Variants in SMG1 observed in about 807,000 individuals in gnomAD.
SMG1 encodes the protein SMG1 nonsense mediated mRNA decay associated PI3K related kinase, also known as serine/threonine-protein kinase SMG1.
SMG1 carries 22 observed loss-of-function variants against 419.9 expected under a neutral mutation model. The ratio of observed to expected loss-of-function variants is 0.05; its 90% CI spans 0.04 to 0.07. The LOEUF is 0.07. SMG1 is among the 10% of genes least tolerant of loss of function. SMG1 has a pLI of 1.00. For missense variants in SMG1, 3,185 were observed against 4,342.0 expected, an observed-to-expected ratio of 0.73 and a Z score of 7.49; for synonymous variants, 1,538 against 1,553.5, an observed-to-expected ratio of 0.99 and a Z score of 0.23.
At chr16:18,870,750 A>T in intron 17 of SMG1, 39 bp from the exon 18 acceptor site, 1 of 1,558,680 alleles carries the variant, frequency 6.4e-7, no homozygotes, top group Admixed American at 1.8e-5. Context: ...GTGTGTTAAC[A>T]TTTCCAGGTT....
In SMG1 at chr16:18,896,222, G is replaced by A. The variant is rs1241475901; in HGVS notation, c.257-15C>T. The A allele has an allele frequency of 8.0e-7, 1 of 1,245,750 alleles. No homozygotes were observed. The highest frequency in any genetic ancestry group is 2.3e-5 in the East Asian group (1 of 43,140). 77.2% of individuals were successfully genotyped at this position (1,245,750 alleles called of 1,614,324 possible). A position where few individuals can be genotyped will look rare whatever the true frequency, so the allele number is the denominator to read the frequency against. ...ACTGTAGCCACCTACAAACAGCAAT[G>A]TGTACGTTATTTAAATATGATTGTT... On this transcript the variant is annotated splice_polypyrimidine_tract_variant and intron_variant, in intron 2 of 62. Coordinates refer to ENST00000446231, the MANE Select transcript of SMG1 (RefSeq NM_015092.5).
Position 18,830,008 on chromosome 16 carries a change from T to C in SMG1, c.9051A>G (p.Leu3017=). The change falls in exon 53 of 63, where the codon CTA becomes CTG. Residue 3017 remains leucine, a synonymous_variant. Coordinates refer to ENST00000446231, the MANE Select transcript of SMG1 (RefSeq NM_015092.5). ...FFDDDNHRQV[L]EEIFFLKRLQ... ...GTCTTTTTAGAAAGAAAATCTCTTCTAGCACCTGCCGGTGATTATCATCAT... is the reference window on the plus strand; with the variant it reads ...GTCTTTTTAGAAAGAAAATCTCTTCCAGCACCTGCCGGTGATTATCATCAT... 9 of 1,593,818 alleles carry C rather than the reference T, an allele frequency of 5.6e-6. No individual in the cohort carries two copies. The highest frequency in any genetic ancestry group is 7.7e-6 in the Non-Finnish European group (9 of 1,168,932).
chr16:18,864,677 A>G (rs1487555744), intron 23 of SMG1, among the ~76,000 whole-genome samples: 2 of 151,982 alleles, frequency 1.3e-5, no homozygotes, highest in Non-Finnish European at 2.9e-5. Flanking sequence ...AGGTTTTGCT[A>G]TGTTGGCCAG....
At chr16:18,893,839 C>G (rs1342959764) in intron 3 of SMG1, among the ~76,000 whole-genome samples, 2 of 151,992 alleles carry the variant, frequency 1.3e-5, no homozygotes, top group African/African-American at 4.8e-5. Flanking sequence ...AGGCAGATCA[C>G]GAGGTCAGGA....
rs561287164 is a variant in SMG1, at chr16:18,835,083, G to A, written c.8139C>T (p.Tyr2713=). The change falls in exon 49 of 63, where the codon TAC becomes TAT. Residue 2713 remains tyrosine, a synonymous_variant. Coordinates refer to ENST00000446231, the MANE Select transcript of SMG1 (RefSeq NM_015092.5). ...ITATEMTLQR[Y]AADINSRLIR... The stretch of plus-strand genomic sequence containing the variant: ...TAAGTCTGCTGTTGATGTCTGCTGC[G>A]TATCGCTGCAGGGTCATTTCAGTGG... 6.8e-5 allele frequency: 109 copies of A among 1,613,918 alleles called. No homozygotes were observed. In the Middle Eastern group the frequency reaches 8.2e-4, roughly 12 times the overall value.
intron 1 of SMG1, among the ~76,000 whole-genome samples, chr16:18,897,817 A>C (rs1260988492): frequency 6.6e-6 from 1 of 152,132 alleles, no homozygotes; most frequent in African/African-American, 2.4e-5. Flanking sequence ...GAAAGAAGAC[A>C]ACAAAATAAT....
At position 18,849,942 on chromosome 16, in the gene SMG1, G is replaced by C. The variant is rs764430692; in HGVS notation, c.5461+7C>G. The stretch of plus-strand genomic sequence containing the variant: ...ATTTTTCCTGAAACATTTTATGCAG[G>C]TCTCACCTCTCCATGGTGCAGTGGG... On this transcript the variant is annotated splice_region_variant and intron_variant, in intron 35 of 62. Coordinates refer to ENST00000446231, the MANE Select transcript of SMG1 (RefSeq NM_015092.5). 6.2e-7 allele frequency: 1 copy of C among 1,612,098 alleles called. No individual in the cohort carries two copies.
rs951692677 is a variant in SMG1 at position 18,860,682 on chromosome 16, A to G, written c.3790T>C (p.Ser1264Pro). 15 of 1,521,882 alleles carry G rather than the reference A, an allele frequency of 9.9e-6. No homozygotes were observed. Among genetic ancestry groups the G allele is most frequent in the Non-Finnish European group, 1.2e-5 (13 of 1,119,602 alleles). 94.3% of individuals were successfully genotyped at this position (1,521,882 alleles called of 1,614,324 possible). ...GENINLLAGG[S>P]KEKIDMKKLL... ...TCTCAAATACCTATTTTTTCTTTTGATCCTCCAGCAAGTAGATTGATATTT... is the reference window on the plus strand; with the variant it reads ...TCTCAAATACCTATTTTTTCTTTTGGTCCTCCAGCAAGTAGATTGATATTT... Residue 1264 changes from serine to proline, a missense_variant, in exon 26 of 63, where the codon TCA (serine) becomes CCA (proline). Around this residue, in one of 27 missense-constraint regions of SMG1, gnomAD observed 120 missense variants for 193.3 expected, o/e 0.62. Coordinates refer to ENST00000446231, the MANE Select transcript of SMG1 (RefSeq NM_015092.5).
chr16:18,816,786 G>A lies in SMG1; in HGVS notation c.10075-257C>T, dbSNP rs550002641. On this transcript the variant is annotated intron_variant, in intron 57 of 62. Transcript: ENST00000446231. ...AGTTTAAGACCTGAGAAATACATTC[G>A]GAATCACAAAGATGACTGGCAATCC... Among the ~76,000 whole-genome samples, 8 of 152,132 alleles carry A rather than the reference G, an allele frequency of 5.3e-5. No homozygotes were observed. In the South Asian group the frequency reaches 6.2e-4, roughly 12 times the overall value.
Position 18,812,058 on chromosome 16 carries a change from T to C in SMG1, c.10691A>G (p.Gln3564Arg). The C allele has an allele frequency of 6.2e-7, 1 of 1,613,982 alleles. No homozygotes were observed. Among genetic ancestry groups the C allele is most frequent in the Non-Finnish European group, 8.5e-7 (1 of 1,179,856 alleles). Residue 3564 changes from glutamine (Q) to arginine (R), a missense_variant, in exon 61 of 63, where the codon CAA (glutamine) becomes CGA (arginine). By Grantham distance (43) the Gln-to-Arg change is conservative. Transcript: ENST00000446231. ...ATCAGCTGATGTAGCAAGATTTTTT[T>C]GGATCAGCTTTCTAGCATTCTGTGA... ...VMSQNARKLI[Q>R]KNLATSADTP...
chr16:18,916,371 T>C (rs1456358710), intron 1 of SMG1, among the ~76,000 whole-genome samples: 3 of 150,758 alleles, frequency 2.0e-5, no homozygotes, highest in Non-Finnish European at 4.4e-5. Flanking sequence ...AAAAATTAGC[T>C]GGGCGAGGTG....
Position 18,886,619 on chromosome 16 carries a change from A to G in SMG1, c.823-953T>C, listed in dbSNP as rs144714608. 9.3e-3 allele frequency among the ~76,000 whole-genome samples: 1,423 copies of G among 152,250 alleles called. 13 individuals are homozygous for G. The highest frequency in any genetic ancestry group is 0.014 in the Non-Finnish European group (954 of 68,024). ...GGAGTTCAAGACCAGCCTGGCCAGC[A>G]TGATGAACTCCGTCTCTACTAAAAA... is the stretch of plus-strand genomic sequence containing the variant. On this transcript the variant is annotated intron_variant, in intron 6 of 62. Coordinates refer to ENST00000446231, the MANE Select transcript of SMG1 (RefSeq NM_015092.5).
At chr16:18,889,950 T>C (rs2141799322) in intron 5 of SMG1, among the ~76,000 whole-genome samples, 1 of 152,294 alleles carries the variant, frequency 6.6e-6, no homozygotes, top group African/African-American at 2.4e-5. Context: ...ATCCAATATG[T>C]AATGACTATA....
In SMG1 at chr16:18,859,136, T is replaced by C; in HGVS notation, c.3999A>G (p.Gly1333=). ...YLKQTSRIAI[G]PLRLSTLTVS... ...CTGTTAAAGTAGAAAGTCTCAGAGG[T>C]CCAATAGCGATGCGGGATGTTTGCT... The change falls in exon 28 of 63, where the codon GGA becomes GGG. Residue 1333 remains glycine, a synonymous_variant. Transcript: ENST00000446231. 1.3e-6 allele frequency: 2 copies of C among 1,533,456 alleles called. No homozygotes were observed. Among genetic ancestry groups the C allele is most frequent in the South Asian group, 2.4e-5 (2 of 84,032 alleles). The allele number at this position is 1,533,456 out of a possible 1,614,324, so 95.0% of individuals were successfully genotyped here.
At chr16:18,858,995 A>C in intron 28 of SMG1, 27 bp downstream of exon 28, 1 of 1,399,514 alleles carries the variant, frequency 7.1e-7, no homozygotes, top group South Asian at 1.3e-5. Flanking sequence ...AATAGTCATA[A>C]GAGTGTGCTT....
At position 18,864,123 on chromosome 16, in the gene SMG1, C is replaced by G; in HGVS notation, c.3372G>C (p.Glu1124Asp). 6.5e-7 allele frequency: 1 copy of G among 1,547,058 alleles called. No homozygotes were observed. The highest frequency in any genetic ancestry group is 2.4e-5 in the East Asian group (1 of 40,854). ...AEGRFEKASVEYQEHLCAMTG... is the reference protein window; with the variant it reads ...AEGRFEKASVDYQEHLCAMTG... The stretch of plus-strand genomic sequence containing the variant: ...TCATGGCACACAGGTGTTCCTGGTA[C>G]TCCACAGAGGCCTTTTCAAACCTGA... The change falls in exon 24 of 63, where the codon GAG becomes GAC. Residue 1124 changes from glutamate (E) to aspartate (D), a missense_variant. Glu to Asp is a conservative substitution (Grantham distance 45, BLOSUM62 2). Transcript: ENST00000446231.
intron 13 of SMG1, among the ~76,000 whole-genome samples, chr16:18,874,251 A>C (rs1264689483): frequency 6.6e-6 from 1 of 151,706 alleles, no homozygotes; most frequent in African/African-American, 2.4e-5. Flanking sequence ...CAATTCTCCC[A>C]ACTTAGCCTC....
intron 1 of SMG1, among the ~76,000 whole-genome samples, chr16:18,923,996 C>CCT (rs1390183607): frequency 6.6e-6 from 1 of 152,102 alleles, no homozygotes; most frequent in East Asian, 1.9e-4. Flanking sequence ...TTCCCTGTTC[C>CCT]CTCTACAACA....
At chr16:18,869,638 C>G (rs2035705518) in intron 19 of SMG1, among the ~76,000 whole-genome samples, 1 of 151,950 alleles carries the variant, frequency 6.6e-6, no homozygotes, top group Admixed American at 6.6e-5. Context: ...CTGTTAACCA[C>G]ATTTCATTAC....
Sources: gnomAD v4.1 joint callset for allele counts (sites outside exome capture counted in the v4.1 genomes callset) on GRCh38, gnomAD v4.1.1 for gene constraint, gnomAD v4.1.1 regional missense constraint, MANE v1.5 for transcripts, NCBI Gene and HGNC (gene_info 2026-07-23, HGNC 2026-07-21) for gene names.